Variants in RFX4 observed in about 807,000 individuals in gnomAD.
RFX4 encodes regulatory factor X4.
In RFX4, 10 loss-of-function variants were observed where a neutral mutation model predicts 95.0. The observed-to-expected ratio is 0.11, with a 90% CI of 0.06 to 0.18. The LOEUF (loss-of-function observed/expected upper bound fraction) is 0.18, where lower values mean the gene tolerates loss of function less well. Ranked by LOEUF, RFX4 falls within the 10% of genes least tolerant of loss-of-function variation. RFX4 has a pLI of 1.00. For synonymous variants in RFX4, 321 were observed against 340.7 expected (o/e 0.94, Z 0.64); for missense variants, 640 against 922.0 (o/e 0.69, Z 3.96).
At chr12:106,599,184 GT>G (rs113106700) in intron 1 of RFX4, among the ~76,000 whole-genome samples, 24,699 of 137,538 alleles carry the variant, frequency 0.18, 2,187 homozygotes, top group African/African-American at 0.25. Flanking sequence ...CCTCCTCGTT[GT>G]TTTTTTTTTT....
intron 4 of RFX4, 43 bp from the exon 5 acceptor site, chr12:106,681,950 C>T: frequency 6.2e-7 from 1 of 1,607,416 alleles, no homozygotes; most frequent in Non-Finnish European, 8.5e-7. Context: ...ACTATGCTCC[C>T]AACTCTTCCC....
chr12:106,623,428 A>G (rs1193878851), intron 2 of RFX4, among the ~76,000 whole-genome samples: 5 of 152,188 alleles, frequency 3.3e-5, no homozygotes, highest in Non-Finnish European at 7.3e-5. Flanking sequence ...ATTTGCCAGT[A>G]GGAACACCAA....
chr12:106,707,191 T>C (rs2042100945), intron 8 of RFX4, among the ~76,000 whole-genome samples: 1 of 151,738 alleles, frequency 6.6e-6, no homozygotes, highest in Admixed American at 6.6e-5. Flanking sequence ...AAAAAAGTGA[T>C]CAATAAAAAT....
intron 5 of RFX4, 152 bp downstream of exon 5, chr12:106,682,206 G>T: frequency 1.4e-6 from 1 of 723,916 alleles, no homozygotes. Flanking sequence ...GACGGCCAGG[G>T]CCCCTCTCTC....
At chr12:106,733,945 G>A (rs569155603) in intron 15 of RFX4, among the ~76,000 whole-genome samples, 9 of 152,288 alleles carry the variant, frequency 5.9e-5, no homozygotes, top group Admixed American at 4.6e-4. Context: ...GATGGATGAT[G>A]GATAAAGAAA....
chr12:106,736,351 A>T (rs1331342485), intron 15 of RFX4, among the ~76,000 whole-genome samples: 2 of 152,184 alleles, frequency 1.3e-5, no homozygotes, highest in Admixed American at 1.3e-4. Context: ...AAATGCTCTT[A>T]TCTGGTCCTG....
chr12:106,656,152 A>T (rs1384289251), intron 4 of RFX4, among the ~76,000 whole-genome samples: 1 of 152,164 alleles, frequency 6.6e-6, no homozygotes, highest in East Asian at 1.9e-4. Flanking sequence ...GCCTGCCCCA[A>T]GACTTCAGCA....
Position 106,697,317 on chromosome 12 carries a change from G to C in RFX4, c.833+871G>C, listed in dbSNP as rs563055145. On this transcript the variant is annotated intron_variant, in intron 8 of 17. Coordinates refer to ENST00000392842, the MANE Select transcript of RFX4 (RefSeq NM_213594.3). ...AAGCACATTGCACATCCATGTATAA[G>C]GTATAAGGAGCTTTTTTCTTTTTTA... 4.6e-5 allele frequency among the ~76,000 whole-genome samples: 7 copies of C among 152,170 alleles called. No individual in the cohort carries two copies. In the East Asian group the frequency reaches 1.4e-3, roughly 29 times the overall value.
intron 2 of RFX4, among the ~76,000 whole-genome samples, chr12:106,617,453 C>T (rs1214214283): frequency 6.6e-6 from 1 of 152,146 alleles, no homozygotes; most frequent in Non-Finnish European, 1.5e-5. Flanking sequence ...TTCAGTTAAA[C>T]ATATTTTCAA....
At chr12:106,689,398 G>A in intron 7 of RFX4, 34 bp downstream of exon 7, 1 of 1,538,756 alleles carries the variant, frequency 6.5e-7, no homozygotes, top group Non-Finnish European at 9.0e-7. Flanking sequence ...TGAATACTCG[G>A]TATTAAAAAT....
chr12:106,747,256 G>C (rs955057198), intron 15 of RFX4, among the ~76,000 whole-genome samples, 181 bp from the exon 16 acceptor site: 1 of 152,152 alleles, frequency 6.6e-6, no homozygotes, highest in Non-Finnish European at 1.5e-5. Context: ...ACTGTGGCTG[G>C]ACCAGACAAA....
chr12:106,650,488 T>C (rs1845331160), intron 3 of RFX4, among the ~76,000 whole-genome samples: 1 of 152,148 alleles, frequency 6.6e-6, no homozygotes, highest in South Asian at 2.1e-4. Context: ...ATCCCAGCAC[T>C]TTGGGAGGCT....
At chr12:106,725,104 A>G (rs1441198983) in intron 13 of RFX4, among the ~76,000 whole-genome samples, 1 of 152,028 alleles carries the variant, frequency 6.6e-6, no homozygotes, top group South Asian at 2.1e-4. Context: ...TAAATTACCT[A>G]GGCTTAATGG....
chr12:106,675,829 C>G lies in RFX4; in HGVS notation c.316-6164C>G, dbSNP rs949854049. Among the ~76,000 whole-genome samples the G allele has an allele frequency of 1.3e-5, 2 of 152,112 alleles. 1 individual carries two copies. Among genetic ancestry groups the G allele is most frequent in the African/African-American group, 4.8e-5 (2 of 41,418 alleles). On this transcript the variant is annotated intron_variant, in intron 4 of 17. Coordinates refer to ENST00000392842, the MANE Select transcript of RFX4 (RefSeq NM_213594.3). ...AGAGTAAGACAGAACACAGTGTGTT[C>G]ATGAAACTTGGAAGAAGTTCCATTC...
intron 2 of RFX4, among the ~76,000 whole-genome samples, chr12:106,620,813 C>A (rs1444839631): frequency 6.6e-6 from 1 of 152,056 alleles, no homozygotes; most frequent in African/African-American, 2.4e-5. Context: ...ACAGACACTC[C>A]CAGAGCGGCT....
chr12:106,745,952 A>G (rs919212048), intron 15 of RFX4, among the ~76,000 whole-genome samples: 1 of 152,138 alleles, frequency 6.6e-6, no homozygotes, highest in East Asian at 1.9e-4. Context: ...CTAGCCCAGG[A>G]GCGGTGGCTC....
chr12:106,642,720 G>C (rs1157851357), intron 3 of RFX4, among the ~76,000 whole-genome samples: 3 of 152,228 alleles, frequency 2.0e-5, no homozygotes, highest in South Asian at 4.1e-4. Flanking sequence ...TGTCTGAGAG[G>C]CTATTTCAGG....
chr12:106,710,117 C>A (rs1043619724), intron 9 of RFX4, among the ~76,000 whole-genome samples: 4 of 152,156 alleles, frequency 2.6e-5, no homozygotes, highest in African/African-American at 9.7e-5. Flanking sequence ...CGTTCGTTTG[C>A]TGCTATTAAA....
intron 8 of RFX4, among the ~76,000 whole-genome samples, chr12:106,706,818 T>G (rs2137484692): frequency 6.6e-6 from 1 of 152,360 alleles, no homozygotes; most frequent in Middle Eastern, 3.4e-3. Context: ...TCAAACAAAC[T>G]AAACATCTTT....
Sources: gnomAD v4.1 joint callset for allele counts (sites outside exome capture counted in the v4.1 genomes callset) on GRCh38, gnomAD v4.1.1 for gene constraint, MANE v1.5 for transcripts, NCBI Gene and HGNC (gene_info 2026-07-23, HGNC 2026-07-21) for gene names.